Variants in SMYD3 observed in about 807,000 individuals in gnomAD.
SMYD3 encodes histone-lysine N-methyltransferase SMYD3.
A neutral mutation model predicts 57.7 loss-of-function variants in SMYD3; 36 were observed. The observed-to-expected ratio is 0.62, with a 90% CI of 0.48 to 0.82. The LOEUF is 0.82. Among genes scored for constraint, SMYD3 ranks in the 40% least tolerant of loss-of-function variants. The probability of loss-of-function intolerance (pLI) is 0.00; values close to 1 mark genes in which losing one functional copy is unlikely to be tolerated. For synonymous variants in SMYD3, 211 were observed against 195.0 expected, an observed-to-expected ratio of 1.08 and a Z score of -0.68; for missense variants, 515 against 538.8, an observed-to-expected ratio of 0.96 and a Z score of 0.44.
intron 1 of SMYD3, among the ~76,000 whole-genome samples, chr1:246,466,855 A>G (rs1184786493): frequency 6.6e-6 from 1 of 152,050 alleles, no homozygotes; most frequent in African/African-American, 2.4e-5. Context: ...CTCAAAAAGA[A>G]TAATAATTTT....
chr1:245,806,783 G>C (rs184037080), intron 10 of SMYD3, among the ~76,000 whole-genome samples: 1 of 151,282 alleles, frequency 6.6e-6, no homozygotes, highest in African/African-American at 2.4e-5. Flanking sequence ...GGTGGCGGGC[G>C]CCTGTAGTCC....
rs149626657 is a variant in SMYD3 at position 245,834,229 on chromosome 1, TGATGCATTTA to T, written c.1076+24257_1076+24266del. ...CCTCTGACATCCTCAGTCACAATTC[TGATGCATTTA>T]AATGCATTTCTTTGACCTCTCATAC... On this transcript the variant is annotated intron_variant, in intron 10 of 11. Coordinates refer to ENST00000490107, the MANE Select transcript of SMYD3 (RefSeq NM_001167740.2). 2.7e-3 allele frequency among the ~76,000 whole-genome samples: 408 copies of T among 152,302 alleles called. 2 individuals carry two copies. Among genetic ancestry groups the T allele is most frequent in the African/African-American group, 9.0e-3 (375 of 41,578 alleles).
intron 5 of SMYD3, among the ~76,000 whole-genome samples, chr1:246,325,499 T>C (rs2065334917): frequency 6.6e-6 from 1 of 152,236 alleles, no homozygotes; most frequent in East Asian, 1.9e-4. Flanking sequence ...AACTGTGTAT[T>C]TTCTAGCAAT....
intron 5 of SMYD3, among the ~76,000 whole-genome samples, chr1:246,086,513 T>C (rs1390591781): frequency 6.6e-6 from 1 of 151,894 alleles, no homozygotes; most frequent in Non-Finnish European, 1.5e-5. Flanking sequence ...TTTTTTTTTT[T>C]TCTACACTTC....
intron 5 of SMYD3, among the ~76,000 whole-genome samples, chr1:246,320,623 C>T (rs1452623921): frequency 6.6e-6 from 1 of 151,952 alleles, no homozygotes; most frequent in African/African-American, 2.4e-5. Flanking sequence ...TTTTATTGTT[C>T]AGATTTTACC....
chr1:246,255,475 C>T (rs1413565803), intron 5 of SMYD3, among the ~76,000 whole-genome samples: 1 of 151,858 alleles, frequency 6.6e-6, no homozygotes, highest in Admixed American at 6.6e-5. Context: ...TGTGGTGAAT[C>T]ACACGTTTTG....
At chr1:245,783,976 GC>G (rs1243283161) in intron 10 of SMYD3, among the ~76,000 whole-genome samples, 1 of 152,144 alleles carries the variant, frequency 6.6e-6, no homozygotes, top group East Asian at 1.9e-4. Context: ...TGATATATAG[GC>G]CAAACAATTT....
chr1:246,167,005 T>C (rs1483178049), intron 5 of SMYD3, among the ~76,000 whole-genome samples: 1 of 152,172 alleles, frequency 6.6e-6, no homozygotes, highest in Non-Finnish European at 1.5e-5. Context: ...TTCATCTACT[T>C]TGAACATTTC....
chr1:246,139,296 T>C (rs767879572), intron 5 of SMYD3, among the ~76,000 whole-genome samples: 23 of 152,226 alleles, frequency 1.5e-4, no homozygotes, highest in Non-Finnish European at 3.1e-4. Context: ...GAGGCTAACA[T>C]GAGTATTTCA....
chr1:246,266,183 A>G (rs1225017569), intron 5 of SMYD3, among the ~76,000 whole-genome samples: 1 of 152,192 alleles, frequency 6.6e-6, no homozygotes, highest in Non-Finnish European at 1.5e-5. Context: ...TTTTGTTTAC[A>G]ATGTATCAAA....
At chr1:246,397,784 A>C (rs1276180137) in intron 1 of SMYD3, among the ~76,000 whole-genome samples, 1 of 152,094 alleles carries the variant, frequency 6.6e-6, no homozygotes, top group Non-Finnish European at 1.5e-5. Flanking sequence ...TTCAAGGATA[A>C]TTCAGCAGGC....
intron 5 of SMYD3, among the ~76,000 whole-genome samples, chr1:246,114,826 T>A (rs947950978): frequency 2.6e-4 from 39 of 152,192 alleles, no homozygotes; most frequent in Non-Finnish European, 3.2e-4. Context: ...GAGACGGGGT[T>A]TCACCATGTT....
At chr1:246,444,673 T>C (rs544543896) in intron 1 of SMYD3, among the ~76,000 whole-genome samples, 1 of 152,304 alleles carries the variant, frequency 6.6e-6, no homozygotes, top group Non-Finnish European at 1.5e-5. Flanking sequence ...CCATTAAAAC[T>C]ATTTTTGCAT....
intron 1 of SMYD3, among the ~76,000 whole-genome samples, chr1:246,471,255 G>T (rs1040007602): frequency 6.6e-6 from 1 of 151,998 alleles, no homozygotes; most frequent in Admixed American, 6.5e-5. Context: ...CTGAAGTGCG[G>T]CTGTATGATC....
rs2065656321 is a variant in SMYD3 at position 246,343,049 on chromosome 1, C to A, written c.229-7575G>T. The stretch of plus-strand genomic sequence containing the variant: ...TAGAGCCACACTTATTAGTTACATT[C>A]ATTCATTTCATGCTACATCAGAGTT... On this transcript the variant is annotated intron_variant, in intron 2 of 11. Coordinates refer to ENST00000490107, the MANE Select transcript of SMYD3 (RefSeq NM_001167740.2). Among the ~76,000 whole-genome samples the A allele has an allele frequency of 2.0e-5, 3 of 152,172 alleles. No homozygotes were observed. The South Asian group carries it at 6.2e-4, about 32-fold the overall frequency.
chr1:246,226,450 G>C lies in SMYD3; in HGVS notation c.531+100751C>G, dbSNP rs113786581. On this transcript the variant is annotated intron_variant, in intron 5 of 11. Transcript: ENST00000490107. The stretch of plus-strand genomic sequence containing the variant: ...TATATTTTCATCAATGGCTGTGCTA[G>C]AATAATTATAAATTACAGAAAATAA... Among the ~76,000 whole-genome samples the C allele has an allele frequency of 4.0e-3, 608 of 152,284 alleles. 4 individuals are homozygous for C. The highest frequency in any genetic ancestry group is 0.014 in the African/African-American group (587 of 41,556).
At chr1:246,209,896 A>T (rs2063060889) in intron 5 of SMYD3, among the ~76,000 whole-genome samples, 1 of 152,198 alleles carries the variant, frequency 6.6e-6, no homozygotes, top group Admixed American at 6.5e-5. Flanking sequence ...GAGGGAACAG[A>T]CTGAACAGGT....
At chr1:245,763,464 G>T (rs899948343) in intron 11 of SMYD3, among the ~76,000 whole-genome samples, 1 of 152,206 alleles carries the variant, frequency 6.6e-6, no homozygotes, top group Non-Finnish European at 1.5e-5. Flanking sequence ...AGCCCAGGGG[G>T]TTGTGATGCG....
intron 5 of SMYD3, among the ~76,000 whole-genome samples, chr1:246,191,337 A>T (rs1417756416): frequency 1.3e-5 from 2 of 152,204 alleles, no homozygotes; most frequent in African/African-American, 4.8e-5. Flanking sequence ...AGAGTGAAAA[A>T]ATGCCAGAAG....
Sources: allele counts gnomAD v4.1 joint callset (sites outside exome capture counted in the v4.1 genomes callset), GRCh38; gene constraint gnomAD v4.1.1; transcripts MANE v1.5; gene names NCBI Gene and HGNC (gene_info 2026-07-23, HGNC 2026-07-21).